Variants in RPL26L1 observed in about 807,000 individuals in gnomAD.
The protein encoded by RPL26L1 is ribosomal protein uL24-like.
Under a neutral mutation model 15.2 loss-of-function variants are expected in RPL26L1, and 8 were observed. The ratio of observed to expected loss-of-function variants is 0.53; its 90% CI spans 0.31 to 0.95. The LOEUF is 0.95. RPL26L1 is among the 40% of genes least tolerant of loss of function. The probability of loss-of-function intolerance (pLI) is 0.05; values close to 1 mark genes in which losing one functional copy is unlikely to be tolerated. For missense variants in RPL26L1, 146 were observed against 190.9 expected, an observed-to-expected ratio of 0.76 and a Z score of 1.39; for synonymous variants, 51 against 65.9, an observed-to-expected ratio of 0.77 and a Z score of 1.09.
chr5:172,959,382 G>T (rs1755125253), upstream of RPL26L1: 2 of 1,004,568 alleles, frequency 2.0e-6, no homozygotes, highest in South Asian at 8.1e-5. Context: ...CTACGGAAAT[G>T]GGGCTTCGAT....
chr5:172,954,468 T>TG (rs1764307372), upstream of RPL26L1, among the ~76,000 whole-genome samples: 1 of 3,856 alleles, frequency 2.6e-4, no homozygotes, highest in Non-Finnish European at 4.7e-4. Flanking sequence ...GAGGCTGCGG[T>TG]GGGGGCAGGG....
chr5:172,957,166 C>T (rs577776201), upstream of RPL26L1: 88 of 456,134 alleles, frequency 1.9e-4, no homozygotes, highest in Middle Eastern at 6.5e-4. Flanking sequence ...GACACTTCCT[C>T]TGTGCTAGGT....
intron 2 of RPL26L1, 124 bp downstream of exon 2, chr5:172,960,165 G>GGCCAGAGATAGGGTTCAGAGCC (rs1446360812): frequency 1.7e-6 from 2 of 1,162,564 alleles, no homozygotes; most frequent in African/African-American, 3.0e-5. Context: ...AGATGTGTTA[G>GGCCAGAGATAGGGTTCAGAGCC]GCCAGAGATA....
At chr5:172,967,390 G>A (rs1240474000) in intron 2 of RPL26L1, among the ~76,000 whole-genome samples, 1 of 152,022 alleles carries the variant, frequency 6.6e-6, no homozygotes. Context: ...ACTTGAACCT[G>A]GGAGGTGGAG....
upstream of RPL26L1, chr5:172,955,198 G>T (rs1001992156): frequency 2.9e-6 from 1 of 350,770 alleles, no homozygotes; most frequent in African/African-American, 2.2e-5. Context: ...GCGCGATATC[G>T]GCTCACTGCA....
chr5:172,967,821 A>ATATG (rs934832346), intron 2 of RPL26L1, among the ~76,000 whole-genome samples: 2 of 150,102 alleles, frequency 1.3e-5, no homozygotes, highest in South Asian at 4.3e-4. Context: ...ATAAGTACAT[A>ATATG]TATGTATGTA....
intron 2 of RPL26L1, among the ~76,000 whole-genome samples, chr5:172,963,351 G>A (rs1333799028): frequency 6.7e-6 from 1 of 149,406 alleles, no homozygotes; most frequent in Non-Finnish European, 1.5e-5. Context: ...TCCAGCCTGG[G>A]CAACAGAGTA....
upstream of RPL26L1, chr5:172,959,336 A>C (rs1489375615): frequency 1.0e-6 from 1 of 1,000,978 alleles, no homozygotes; most frequent in African/African-American, 1.7e-5. Context: ...CTGAGATCCC[A>C]CCCCAAGCCG....
chr5:172,962,707 T>C (rs1755285512), intron 2 of RPL26L1, among the ~76,000 whole-genome samples: 1 of 150,332 alleles, frequency 6.7e-6, no homozygotes, highest in Non-Finnish European at 1.5e-5. Flanking sequence ...TCCCAACTAC[T>C]TGGGAGGCTG....
intron 2 of RPL26L1, among the ~76,000 whole-genome samples, chr5:172,961,968 CA>C (rs1755246926): frequency 6.6e-6 from 1 of 152,208 alleles, no homozygotes; most frequent in African/African-American, 2.4e-5. Flanking sequence ...ACTCTACTCC[CA>C]TCTTCCACAT....
At position 172,959,887 on chromosome 5, in the gene RPL26L1, C is replaced by T. The variant is rs1482092927; in HGVS notation, c.14C>T (p.Pro5Leu). MKFNPFVTSDRSKNR... is the reference protein window; with the variant it reads MKFNLFVTSDRSKNR... Reference sequence around the variant, plus strand: ...TAGAGGGTCACCATGAAGTTCAATCCCTTCGTTACCTCGGACCGCAGTAAA... The same window carrying T: ...TAGAGGGTCACCATGAAGTTCAATCTCTTCGTTACCTCGGACCGCAGTAAA... Residue 5 changes from proline (P) to leucine (L), a missense_variant, in exon 2 of 4, where the codon CCC (proline) becomes CTC (leucine). Pro to Leu is a moderately conservative substitution (Grantham distance 98). Transcript: ENST00000265100. The T allele has an allele frequency of 1.9e-6, 3 of 1,614,148 alleles. No homozygotes were observed. Among genetic ancestry groups the T allele is most frequent in the Admixed American group, 3.3e-5 (2 of 60,010 alleles).
At chr5:172,958,516 A>G (rs1416913829), upstream of RPL26L1, 2 of 432,876 alleles carry the variant, frequency 4.6e-6, no homozygotes, top group Non-Finnish European at 9.5e-6. Flanking sequence ...CATAGAATAA[A>G]CCCCGTCGGT....
At chr5:172,968,912 A>G (rs1392176028) in intron 3 of RPL26L1, among the ~76,000 whole-genome samples, 6 of 146,328 alleles carry the variant, frequency 4.1e-5, no homozygotes, top group Non-Finnish European at 6.0e-5. Context: ...GGTTCAAGCA[A>G]TTCTCCTGCC....
At chr5:172,959,526 C>T (rs997717171) in intron 1 of RPL26L1, 58 bp downstream of exon 1, 9 of 1,112,258 alleles carry the variant, frequency 8.1e-6, no homozygotes, top group South Asian at 2.3e-5. Flanking sequence ...TGAGACCCTG[C>T]CCTATGTGTC....
chr5:172,961,884 T>C (rs1226042959), intron 2 of RPL26L1, among the ~76,000 whole-genome samples: 2 of 152,190 alleles, frequency 1.3e-5, no homozygotes, highest in Non-Finnish European at 2.9e-5. Flanking sequence ...CATCTCTATT[T>C]AGGTAGCCCA....
At chr5:172,959,688 C>T (rs2113523601) in intron 1 of RPL26L1, 177 bp from the exon 2 acceptor site, 2 of 1,078,184 alleles carry the variant, frequency 1.9e-6, no homozygotes, top group Non-Finnish European at 2.6e-6. Flanking sequence ...TCCACACACG[C>T]CTCACTTTAT....
upstream of RPL26L1, chr5:172,959,351 G>C (rs1379447471): frequency 1.0e-6 from 1 of 1,000,966 alleles, no homozygotes; most frequent in East Asian, 1.0e-4. Flanking sequence ...AAGCCGCTGG[G>C]GGCGCCATTC....
upstream of RPL26L1, chr5:172,958,210 G>C (rs186867225): frequency 0.013 from 5,000 of 373,170 alleles, 80 homozygotes; most frequent in South Asian, 0.033. Context: ...GTTGCGGTGA[G>C]CCGAGATGGT....
At chr5:172,965,352 C>A (rs1167516804) in intron 2 of RPL26L1, among the ~76,000 whole-genome samples, 1 of 152,160 alleles carries the variant, frequency 6.6e-6, no homozygotes, top group African/African-American at 2.4e-5. Context: ...CATTTAAACA[C>A]AATCATGTTT....
Sources: gnomAD v4.1 joint callset for allele counts (sites outside exome capture counted in the v4.1 genomes callset) on GRCh38, gnomAD v4.1.1 for gene constraint, MANE v1.5 for transcripts, NCBI Gene and HGNC (gene_info 2026-07-23, HGNC 2026-07-21) for gene names.